Variants in WWOX observed in about 807,000 individuals in gnomAD.
WWOX encodes WW domain-containing oxidoreductase.
A neutral mutation model predicts 46.2 loss-of-function variants in WWOX; 69 were observed. The ratio of observed to expected loss-of-function variants is 1.49; its 90% CI spans 1.23 to 1.82. The LOEUF is 1.82. WWOX is among the 40% of genes most tolerant of loss of function. The probability of loss-of-function intolerance (pLI) is 0.00; values close to 1 mark genes in which losing one functional copy is unlikely to be tolerated. For missense variants in WWOX, 919 were observed against 542.6 expected (o/e 1.69, Z -6.89); for synonymous variants, 359 against 202.6 (o/e 1.77, Z -6.56).
intron 8 of WWOX, among the ~76,000 whole-genome samples, chr16:78,661,761 G>T (rs1207050028): frequency 6.6e-6 from 1 of 152,198 alleles, no homozygotes; most frequent in Non-Finnish European, 1.5e-5. Flanking sequence ...AATAGACTGG[G>T]TACAATGGCT....
chr16:78,120,727 G>GTT (rs1180920592), intron 4 of WWOX, among the ~76,000 whole-genome samples: 2 of 152,162 alleles, frequency 1.3e-5, no homozygotes, highest in Admixed American at 1.3e-4. Context: ...GTGAACTGTA[G>GTT]TTGCCATACT....
At chr16:78,762,979 G>A (rs138713049) in intron 8 of WWOX, among the ~76,000 whole-genome samples, 1 of 151,692 alleles carries the variant, frequency 6.6e-6, no homozygotes, top group South Asian at 2.1e-4. Context: ...TTTTCCTGGT[G>A]GGGGGACCAG....
intron 8 of WWOX, among the ~76,000 whole-genome samples, chr16:79,043,281 A>G (rs139308845): frequency 6.7e-6 from 1 of 148,376 alleles, no homozygotes; most frequent in East Asian, 2.0e-4. Flanking sequence ...TTAAACCTCT[A>G]CCAGATGAAT....
intron 8 of WWOX, among the ~76,000 whole-genome samples, chr16:78,542,586 T>G (rs1222833505): frequency 8.5e-5 from 13 of 152,184 alleles, no homozygotes; most frequent in Admixed American, 8.5e-4. Flanking sequence ...GGAATTGAAC[T>G]TAAGCAGGTT....
chr16:78,618,500 G>A (rs2046086084), intron 8 of WWOX, among the ~76,000 whole-genome samples: 3 of 152,240 alleles, frequency 2.0e-5, no homozygotes, highest in African/African-American at 7.2e-5. Flanking sequence ...GAGGGCACTG[G>A]TCATATTGGA....
intron 5 of WWOX, among the ~76,000 whole-genome samples, chr16:78,360,903 C>T (rs1003346225): frequency 1.3e-5 from 2 of 151,938 alleles, no homozygotes; most frequent in Non-Finnish European, 2.9e-5. Flanking sequence ...TTACTGCAGC[C>T]TCCACCTCCT....
chr16:79,090,507 G>T (rs1050119227), intron 8 of WWOX, among the ~76,000 whole-genome samples: 1 of 152,090 alleles, frequency 6.6e-6, no homozygotes, highest in African/African-American at 2.4e-5. Flanking sequence ...GGAAAGAGAC[G>T]TGAAAGAAAT....
chr16:78,315,388 C>G (rs975394213), intron 5 of WWOX, among the ~76,000 whole-genome samples: 1 of 152,156 alleles, frequency 6.6e-6, no homozygotes, highest in Non-Finnish European at 1.5e-5. Context: ...GTGGCTCAAG[C>G]CTGTAATCCC....
chr16:78,945,775 T>C (rs1427323365), intron 8 of WWOX, among the ~76,000 whole-genome samples: 2 of 152,148 alleles, frequency 1.3e-5, no homozygotes, highest in East Asian at 3.9e-4. Context: ...GCTCATCTGG[T>C]ATGTGTATTA....
chr16:78,567,749 G>A (rs2044608717), intron 8 of WWOX, among the ~76,000 whole-genome samples: 1 of 151,982 alleles, frequency 6.6e-6, no homozygotes, highest in Non-Finnish European at 1.5e-5. Context: ...CTGAGTCGGG[G>A]AGAAAAGGAC....
chr16:78,500,009 G>GA (rs2085021551), intron 8 of WWOX, among the ~76,000 whole-genome samples: 1 of 152,208 alleles, frequency 6.6e-6, no homozygotes, highest in Non-Finnish European at 1.5e-5. Flanking sequence ...GAGGGATGGA[G>GA]AAGAAGTGGG....
chr16:78,787,888 C>A (rs990067724), intron 8 of WWOX, among the ~76,000 whole-genome samples: 1 of 152,072 alleles, frequency 6.6e-6, no homozygotes, highest in Admixed American at 6.5e-5. Context: ...GCATTTCCCT[C>A]ATGATTAATG....
chr16:79,108,708 C>T (rs2049357779), intron 8 of WWOX, among the ~76,000 whole-genome samples: 1 of 152,022 alleles, frequency 6.6e-6, no homozygotes, highest in African/African-American at 2.4e-5. Context: ...TTGAGACCAG[C>T]CCGGGCAACA....
intron 8 of WWOX, among the ~76,000 whole-genome samples, chr16:78,465,116 C>G (rs1270687891): frequency 6.6e-6 from 1 of 152,150 alleles, no homozygotes; most frequent in Non-Finnish European, 1.5e-5. Flanking sequence ...ATGGCTTTGA[C>G]TCAGTTACCT....
At chr16:78,990,000 C>G (rs936248832) in intron 8 of WWOX, among the ~76,000 whole-genome samples, 1 of 151,634 alleles carries the variant, frequency 6.6e-6, no homozygotes, top group Non-Finnish European at 1.5e-5. Context: ...CTGGGCAACA[C>G]GGCAAAGCCC....
chr16:78,635,095 T>C (rs2046536302), intron 8 of WWOX, among the ~76,000 whole-genome samples: 2 of 152,158 alleles, frequency 1.3e-5, no homozygotes, highest in African/African-American at 2.4e-5. Flanking sequence ...CCCAATGTGA[T>C]TACGCCAGGA....
At chr16:78,393,490 C>T (rs928315014) in intron 6 of WWOX, among the ~76,000 whole-genome samples, 1 of 151,066 alleles carries the variant, frequency 6.6e-6, no homozygotes, top group Non-Finnish European at 1.5e-5. Context: ...GAGACGCTGT[C>T]TCTATATTAC....
In WWOX at chr16:78,373,767, T is replaced by C. The variant is rs145620872; in HGVS notation, c.517-13093T>C. Among the ~76,000 whole-genome samples, 3 of 152,300 alleles carry C rather than the reference T, an allele frequency of 2.0e-5. No homozygotes were observed. In the East Asian group the frequency reaches 5.8e-4, roughly 29 times the overall value. On this transcript the variant is annotated intron_variant, in intron 5 of 8. Transcript: ENST00000566780. ...TGTTTTCTTCACTACCAAGTTTTTCTTATTTTTAAACTTTTCTGAGCATAT... is the reference window on the plus strand; with the variant it reads ...TGTTTTCTTCACTACCAAGTTTTTCCTATTTTTAAACTTTTCTGAGCATAT...
intron 5 of WWOX, among the ~76,000 whole-genome samples, chr16:78,203,745 A>G (rs945170175): frequency 7.2e-5 from 11 of 152,156 alleles, no homozygotes; most frequent in African/African-American, 2.4e-4. Context: ...ATGAGGCTCA[A>G]TGTTCAAGAA....
Sources: allele counts gnomAD v4.1 joint callset (sites outside exome capture counted in the v4.1 genomes callset), GRCh38; gene constraint gnomAD v4.1.1; transcripts MANE v1.5; gene names NCBI Gene and HGNC (gene_info 2026-07-23, HGNC 2026-07-21).